MAK16: variants seen among roughly 807,000 people sequenced by gnomAD.
MAK16 encodes the protein protein MAK16 homolog.
Under a neutral mutation model 49.9 loss-of-function variants are expected in MAK16, and 12 were observed. The ratio of observed to expected loss-of-function variants is 0.24; its 90% CI spans 0.15 to 0.39. MAK16 has a LOEUF of 0.39. Ranked by LOEUF, MAK16 falls within the 10% of genes least tolerant of loss-of-function variation. MAK16 has a pLI of 1.00. For synonymous variants in MAK16, 115 were observed against 126.4 expected, an observed-to-expected ratio of 0.91 and a Z score of 0.60; for missense variants, 292 against 363.7, an observed-to-expected ratio of 0.80 and a Z score of 1.60.
chr8:33,488,826 C>A (rs1430796009), intron 4 of MAK16, 28 bp downstream of exon 4: 1 of 1,612,704 alleles, frequency 6.2e-7, no homozygotes. Context: ...ACTACAGTGA[C>A]CGCTGATCAA....
In MAK16 at chr8:33,497,212, C is replaced by G. The variant is rs755788656; in HGVS notation, c.640-20C>G. The G allele has an allele frequency of 5.5e-5, 86 of 1,571,764 alleles. No individual in the cohort carries two copies. In the Admixed American group the frequency reaches 1.4e-3, roughly 26 times the overall value. On this transcript the variant is annotated intron_variant, in intron 8 of 9. Transcript: ENST00000360128. ...TCTTCATTATGTATTCTGAACCTAA[C>G]AGTTATGTTTTATTTATAGGATGTG...
chr8:33,495,242 C>G (rs1808839213), intron 6 of MAK16, among the ~76,000 whole-genome samples: 1 of 152,192 alleles, frequency 6.6e-6, no homozygotes. Flanking sequence ...TAGATTATTT[C>G]TGAGACACTT....
chr8:33,500,279 A>C lies in MAK16; in HGVS notation c.*1650A>C. On this transcript the variant is annotated 3_prime_UTR_variant, in exon 10 of 10. Coordinates refer to ENST00000360128, the MANE Select transcript of MAK16 (RefSeq NM_032509.4). ...TAAATTATAATCAATCATGGGAATTACATAAGGATAATGAGGCCCAACTGA... is the reference window on the plus strand; with the variant it reads ...TAAATTATAATCAATCATGGGAATTCCATAAGGATAATGAGGCCCAACTGA... 6.2e-7 allele frequency: 1 copy of C among 1,606,664 alleles called. No homozygotes were observed. Among genetic ancestry groups the C allele is most frequent in the African/African-American group, 1.3e-5 (1 of 74,866 alleles).
rs1808956744 is a variant in MAK16, at chr8:33,499,028, T to C, written c.*399T>C. The C allele has an allele frequency of 3.0e-6, 2 of 663,262 alleles. No homozygotes were observed. The highest frequency in any genetic ancestry group is 3.4e-5 in the South Asian group (2 of 58,936). The allele number at this position is 663,262 out of a possible 1,614,324, so 41.1% of individuals were successfully genotyped here. A position where few individuals can be genotyped will look rare whatever the true frequency, so the allele number is the denominator to read the frequency against. ...TCTTGTTCTACTTTCCCTATTCTTA[T>C]GGAGGTAAAAGGAAAGGAAGGAAGG... is the stretch of plus-strand genomic sequence containing the variant. On this transcript the variant is annotated 3_prime_UTR_variant, in exon 10 of 10. Transcript: ENST00000360128.
Position 33,499,052 on chromosome 8 carries a change from GGAAA to G in MAK16, c.*424_*427del. ...ATGGAGGTAAAAGGAAAGGAAGGAAGGAAAAAGCAGCTTTCACTTACAAAGTTTC... is the reference window on the plus strand; with the variant it reads ...ATGGAGGTAAAAGGAAAGGAAGGAAGAAGCAGCTTTCACTTACAAAGTTTC... On this transcript the variant is annotated 3_prime_UTR_variant, in exon 10 of 10. Transcript: ENST00000360128. 1 of 836,714 alleles carries G rather than the reference GGAAA, an allele frequency of 1.2e-6. No individual in the cohort carries two copies. Among genetic ancestry groups the G allele is most frequent in the Non-Finnish European group, 2.0e-6 (1 of 505,234 alleles). 51.8% of individuals were successfully genotyped at this position (836,714 alleles called of 1,614,324 possible).
chr8:33,497,210 A>T, intron 8 of MAK16, 22 bp from the exon 9 acceptor site: 2 of 1,568,098 alleles, frequency 1.3e-6, no homozygotes, highest in Non-Finnish European at 1.8e-6. Flanking sequence ...TTCTGAACCT[A>T]ACAGTTATGT....
At chr8:33,493,824 A>C (rs1808814395) in intron 6 of MAK16, among the ~76,000 whole-genome samples, 1 of 152,208 alleles carries the variant, frequency 6.6e-6, no homozygotes, top group Admixed American at 6.5e-5. Context: ...CCACATTTTT[A>C]AAGTGTGTGA....
chr8:33,497,446 G>A (rs1373304001), intron 9 of MAK16, 149 bp downstream of exon 9: 1 of 607,216 alleles, frequency 1.6e-6, no homozygotes, highest in African/African-American at 1.9e-5. Flanking sequence ...GAGCTCAGGA[G>A]TTCGAGACCA....
chr8:33,494,191 A>G (rs1469874779), intron 6 of MAK16, among the ~76,000 whole-genome samples: 1 of 152,146 alleles, frequency 6.6e-6, no homozygotes, highest in Non-Finnish European at 1.5e-5. Context: ...CTTGTGCCTC[A>G]GCCTCCTGAG....
At chr8:33,492,870 T>G (rs1372536671) in intron 6 of MAK16, among the ~76,000 whole-genome samples, 2 of 152,090 alleles carry the variant, frequency 1.3e-5, no homozygotes, top group Non-Finnish European at 2.9e-5. Flanking sequence ...TGTTGTTTTT[T>G]TTTGTTTGTT....
intron 6 of MAK16, among the ~76,000 whole-genome samples, chr8:33,492,993 TTTTATA>T (rs1470736834): frequency 2.0e-5 from 3 of 152,054 alleles, no homozygotes; most frequent in East Asian, 1.9e-4. Flanking sequence ...TTTTTCTTTT[TTTTATA>T]TTTATATTTG....
Position 33,500,325 on chromosome 8 carries a change from T to TA in MAK16, c.*1697dup. The TA allele has an allele frequency of 6.2e-7, 1 of 1,613,990 alleles. No individual in the cohort carries two copies. Among genetic ancestry groups the TA allele is most frequent in the Non-Finnish European group, 8.5e-7 (1 of 1,179,994 alleles). ...ACTGAAACCAAGTTTCAGTCTGCCT[T>TA]ACCTTTACCCGTCCTTGAGAACAGC... On this transcript the variant is annotated 3_prime_UTR_variant, in exon 10 of 10. Coordinates refer to ENST00000360128, the MANE Select transcript of MAK16 (RefSeq NM_032509.4).
Position 33,499,300 on chromosome 8 carries a change from C to G in MAK16, c.*671C>G. Reference sequence around the variant, plus strand: ...ACCCTGAAACATGAAACCAAACAGGCTTTGATATTTTTTTTTTTTTAATTA... The same window carrying G: ...ACCCTGAAACATGAAACCAAACAGGGTTTGATATTTTTTTTTTTTTAATTA... On this transcript the variant is annotated 3_prime_UTR_variant, in exon 10 of 10. Coordinates refer to ENST00000360128, the MANE Select transcript of MAK16 (RefSeq NM_032509.4). 6.5e-7 allele frequency: 1 copy of G among 1,542,188 alleles called. No homozygotes were observed. Among genetic ancestry groups the G allele is most frequent in the Non-Finnish European group, 9.0e-7 (1 of 1,116,666 alleles).
chr8:33,495,905 A>G (rs935176638), intron 7 of MAK16, among the ~76,000 whole-genome samples: 3 of 151,564 alleles, frequency 2.0e-5, no homozygotes, highest in African/African-American at 4.8e-5. Context: ...TAGTAGAGAC[A>G]GGGTTTCACC....
In MAK16 at chr8:33,489,705, G is replaced by C. The variant is rs1808747312; in HGVS notation, c.392+566G>C. Among the ~76,000 whole-genome samples, 1 of 152,066 alleles carries C rather than the reference G, an allele frequency of 6.6e-6. No homozygotes were observed. The highest frequency in any genetic ancestry group is 6.6e-5 in the Admixed American group (1 of 15,262). ...GAAAATTTCCTCTATGACCCCCGAG[G>C]GAATCTTAACTTTAGAGATTTGAAA... On this transcript the variant is annotated intron_variant, in intron 5 of 9. Transcript: ENST00000360128. This position sits in a 1 kb window ranked among gnomAD's most constrained non-coding sequence, Gnocchi z 4.2.
intron 6 of MAK16, among the ~76,000 whole-genome samples, chr8:33,491,348 A>G (rs896485544): frequency 6.6e-6 from 1 of 152,120 alleles, no homozygotes; most frequent in African/African-American, 2.4e-5. Flanking sequence ...TTTTTGAGGA[A>G]GCTCCAAACT....
chr8:33,491,669 T>G (rs183503835), intron 6 of MAK16, among the ~76,000 whole-genome samples: 100 of 140,820 alleles, frequency 7.1e-4, no homozygotes, highest in African/African-American at 2.5e-3. Flanking sequence ...GGTCTCACTC[T>G]ATTGTCCAGG....
chr8:33,494,903 C>T (rs1235690702), intron 6 of MAK16, among the ~76,000 whole-genome samples: 21 of 152,006 alleles, frequency 1.4e-4, no homozygotes, highest in African/African-American at 4.1e-4. Context: ...CTCAGCCTCC[C>T]GAGTAGCTGG....
chr8:33,488,357 G>GAAA (rs1243027493), intron 1 of MAK16, 21 bp from the exon 2 acceptor site: 1 of 1,613,600 alleles, frequency 6.2e-7, no homozygotes. Context: ...ATTTGAAATG[G>GAAA]GCTTTTACTT....
Sources: allele counts gnomAD v4.1 joint callset (sites outside exome capture counted in the v4.1 genomes callset), GRCh38; gene constraint gnomAD v4.1.1; non-coding constraint Gnocchi (gnomAD v3.1); transcripts MANE v1.5; gene names NCBI Gene and HGNC (gene_info 2026-07-23, HGNC 2026-07-21).